RGS3: variants seen among roughly 807,000 people sequenced by gnomAD.
The protein encoded by RGS3 is regulator of G protein signaling 3.
In RGS3, 80 loss-of-function variants were observed where a neutral mutation model predicts 132.6. The ratio of observed to expected loss-of-function variants is 0.60; its 90% CI spans 0.50 to 0.73. The LOEUF (loss-of-function observed/expected upper bound fraction) is 0.73, where lower values mean the gene tolerates loss of function less well. RGS3 is among the 30% of genes least tolerant of loss of function. RGS3 has a pLI of 0.00. For synonymous variants in RGS3, 598 were observed against 620.6 expected, an observed-to-expected ratio of 0.96 and a Z score of 0.54; for missense variants, 1,382 against 1,530.8, an observed-to-expected ratio of 0.90 and a Z score of 1.62.
At position 113,594,990 on chromosome 9, in the gene RGS3, G is replaced by A. The variant is rs1211234747; in HGVS notation, c.3244+10G>A. On this transcript the variant is annotated intron_variant, in intron 23 of 24. Transcript: ENST00000350696. ...CTGCTGGTTCACAAATGTAAGTTGG[G>A]CCTGCCTGCCCACTCCCTGTGCCCT... The A allele has an allele frequency of 3.7e-6, 6 of 1,613,646 alleles. No individual in the cohort carries two copies. In the South Asian group the frequency reaches 5.5e-5, roughly 15 times the overall value.
Position 113,565,110 on chromosome 9 carries a change from T to G in RGS3, c.2038-18340T>G. 1 of 1,170,166 alleles carries G rather than the reference T, an allele frequency of 8.5e-7. No individual in the cohort carries two copies. The highest frequency in any genetic ancestry group is 1.1e-6 in the Non-Finnish European group (1 of 932,410). 72.5% of individuals were successfully genotyped at this position (1,170,166 alleles called of 1,614,324 possible). A position where few individuals can be genotyped will look rare whatever the true frequency, so the allele number is the denominator to read the frequency against. ...GGACGCCTCTCCCCCGGAGCAGCAC[T>G]TTGGGGCCAGCTTGGGCCCTGGGGA... On this transcript the variant is annotated intron_variant, in intron 19 of 24. Coordinates refer to ENST00000350696, the Ensembl canonical transcript of RGS3. The surrounding 1 kb of genome is among the most constrained non-coding windows in gnomAD (Gnocchi z 5.7).
chr9:113,508,267 GA>G (rs1267327430), intron 13 of RGS3, among the ~76,000 whole-genome samples: 9 of 152,180 alleles, frequency 5.9e-5, no homozygotes, highest in African/African-American at 2.2e-4. Context: ...GTGTTCCCTA[GA>G]ATGCACTTTG....
chr9:113,474,044 C>T (rs1829917377), intron 3 of RGS3, among the ~76,000 whole-genome samples: 1 of 152,084 alleles, frequency 6.6e-6, no homozygotes, highest in African/African-American at 2.4e-5. Flanking sequence ...CCTAGAATCC[C>T]TTGTGAGTGA....
intron 3 of RGS3, among the ~76,000 whole-genome samples, chr9:113,476,769 C>A (rs1830006727): frequency 6.6e-6 from 1 of 152,192 alleles, no homozygotes; most frequent in Non-Finnish European, 1.5e-5. Context: ...AGATGCCCAG[C>A]AAATATTTGC....
exon 25 of RGS3, chr9:113,596,915 G>T (rs1236793084): frequency 6.2e-7 from 1 of 1,612,762 alleles, no homozygotes; most frequent in Non-Finnish European, 8.5e-7. Flanking sequence ...CCTCTACCTG[G>T]ACCTTATTAA....
At chr9:113,562,549 T>C (rs1221734032) in intron 19 of RGS3, among the ~76,000 whole-genome samples, 1 of 151,996 alleles carries the variant, frequency 6.6e-6, no homozygotes, top group East Asian at 1.9e-4. Context: ...CATCAATCAG[T>C]AATCAGAAAG....
chr9:113,575,494 C>T (rs558495840), intron 19 of RGS3, among the ~76,000 whole-genome samples: 1 of 152,242 alleles, frequency 6.6e-6, no homozygotes, highest in South Asian at 2.1e-4. Context: ...TGGGCAGCTG[C>T]CTCCAGGGAA....
intron 19 of RGS3, among the ~76,000 whole-genome samples, chr9:113,540,736 G>A (rs760668734): frequency 2.0e-5 from 3 of 152,202 alleles, no homozygotes; most frequent in Non-Finnish European, 4.4e-5. Flanking sequence ...CCCTTTCCTC[G>A]GGAGATCACA....
At chr9:113,464,979 G>A (rs758891275) in intron 3 of RGS3, among the ~76,000 whole-genome samples, 4 of 152,216 alleles carry the variant, frequency 2.6e-5, no homozygotes, top group Non-Finnish European at 5.9e-5. Flanking sequence ...ATTGCCTGAC[G>A]TCTGGCAGCA....
At chr9:113,492,171 A>T (rs1238450531) in intron 7 of RGS3, among the ~76,000 whole-genome samples, 1 of 152,188 alleles carries the variant, frequency 6.6e-6, no homozygotes, top group Non-Finnish European at 1.5e-5. Context: ...TTCCTCAAAA[A>T]ATAATCTATT....
chr9:113,483,698 A>T (rs1451704226), intron 5 of RGS3, among the ~76,000 whole-genome samples: 1 of 152,230 alleles, frequency 6.6e-6, no homozygotes, highest in African/African-American at 2.4e-5. Context: ...CAAGGAATTT[A>T]TCAGGAGCAG....
chr9:113,537,060 C>T lies in RGS3; in HGVS notation c.2037+142C>T. On this transcript the variant is annotated intron_variant, in intron 19 of 24. Transcript: ENST00000350696. This position sits in a 1 kb window ranked among gnomAD's most constrained non-coding sequence, Gnocchi z 4.3. ...CAATGAGCTCTTGGCAAGCGGGGACCTGTGCCCGAATGTCTCTCCCCCTTG... is the reference window on the plus strand; with the variant it reads ...CAATGAGCTCTTGGCAAGCGGGGACTTGTGCCCGAATGTCTCTCCCCCTTG... The T allele has an allele frequency of 1.4e-6, 1 of 729,414 alleles. No individual in the cohort carries two copies. Among genetic ancestry groups the T allele is most frequent in the East Asian group, 2.7e-5 (1 of 36,462 alleles). The allele number at this position is 729,414 out of a possible 1,614,324, so 45.2% of individuals were successfully genotyped here.
chr9:113,475,136 A>G (rs1363867628), intron 3 of RGS3, among the ~76,000 whole-genome samples: 1 of 152,072 alleles, frequency 6.6e-6, no homozygotes. Context: ...TTCCTGCCAT[A>G]TGGGGCCCTG....
chr9:113,501,492 C>G (rs1830889473), intron 10 of RGS3: 6 of 1,515,314 alleles, frequency 4.0e-6, no homozygotes, highest in Non-Finnish European at 5.3e-6. Context: ...GTGCTCATGC[C>G]AGGCTGACGG....
chr9:113,596,659 G>A (rs1039995432), intron 24 of RGS3, 109 bp from the exon 23 acceptor site: 1 of 887,246 alleles, frequency 1.1e-6, no homozygotes, highest in Non-Finnish European at 1.7e-6. Context: ...TAAGATGTGG[G>A]GCAAAGGGGC....
chr9:113,504,189 C>T (rs554903192), intron 10 of RGS3, among the ~76,000 whole-genome samples: 2 of 152,120 alleles, frequency 1.3e-5, no homozygotes, highest in Non-Finnish European at 2.9e-5. Flanking sequence ...CCTAGTCTTG[C>T]AGGGACAACC....
At chr9:113,532,485 C>T (rs1368586913) in intron 18 of RGS3, among the ~76,000 whole-genome samples, 1 of 152,094 alleles carries the variant, frequency 6.6e-6, no homozygotes, top group East Asian at 1.9e-4. Flanking sequence ...AGTATTACAG[C>T]TTCAAGCTCT....
intron 19 of RGS3, among the ~76,000 whole-genome samples, chr9:113,545,523 C>G (rs1833071770): frequency 6.6e-6 from 1 of 152,200 alleles, no homozygotes; most frequent in Non-Finnish European, 1.5e-5. Context: ...GACAGACTGC[C>G]TTCTTCGCTG....
Position 113,507,494 on chromosome 9 carries a change from T to C in RGS3, c.1293T>C (p.Ser431=). Residue 431 remains serine (S), a synonymous_variant, in exon 13 of 25, where the codon TCT becomes TCC. Coordinates refer to ENST00000350696, the Ensembl canonical transcript of RGS3. The surrounding 1 kb of genome is among the most constrained non-coding windows in gnomAD (Gnocchi z 5.0). ...GCTGCCACCTGGTATGTGACAGCTC[T>C]GATGGGCTGCTGCTCGGCGGCTGGG... The C allele has an allele frequency of 6.2e-7, 1 of 1,612,290 alleles. No individual in the cohort carries two copies. The highest frequency in any genetic ancestry group is 8.5e-7 in the Non-Finnish European group (1 of 1,179,316).
Sources: gnomAD v4.1 joint callset for allele counts (sites outside exome capture counted in the v4.1 genomes callset) on GRCh38, gnomAD v4.1.1 for gene constraint, Gnocchi (gnomAD v3.1) non-coding constraint, MANE v1.5 for transcripts, NCBI Gene and HGNC (gene_info 2026-07-23, HGNC 2026-07-21) for gene names.